The following ACOT11 variants were observed in gnomAD, a reference collection of about 807,000 sequenced individuals.
The protein encoded by ACOT11 is acyl-coenzyme A thioesterase 11.
In ACOT11, 69 loss-of-function variants were observed where a neutral mutation model predicts 77.5. The observed-to-expected ratio is 0.89, with a 90% confidence interval of 0.73 to 1.09. ACOT11 has a LOEUF of 1.09. ACOT11 is among the 50% of genes least tolerant of loss of function. The pLI is 0.00. For synonymous variants in ACOT11, 279 were observed against 313.0 expected (o/e 0.89, Z 1.15); for missense variants, 766 against 813.7 (o/e 0.94, Z 0.71).
At chr1:54,632,703 A>G (rs1644307495) in intron 16 of ACOT11, among the ~76,000 whole-genome samples, 2 of 152,232 alleles carry the variant, frequency 1.3e-5, no homozygotes, top group South Asian at 2.1e-4. Context: ...TGAAATAACT[A>G]TTCAAGAAAA....
intron 1 of ACOT11, among the ~76,000 whole-genome samples, chr1:54,559,484 C>G (rs780598580): frequency 6.6e-6 from 1 of 152,240 alleles, no homozygotes; most frequent in Non-Finnish European, 1.5e-5. Flanking sequence ...CATCAGTTTC[C>G]TAATATGAAC....
chr1:54,590,100 A>C (rs901495992), intron 3 of ACOT11, among the ~76,000 whole-genome samples: 4 of 151,604 alleles, frequency 2.6e-5, no homozygotes, highest in Admixed American at 1.3e-4. Flanking sequence ...AAAAAAAAAA[A>C]CAAAAAAACC....
rs752807018 is a variant in ACOT11, at chr1:54,604,386, T to C, written c.1193T>C (p.Leu398Pro). The C allele has an allele frequency of 6.2e-7, 1 of 1,614,062 alleles. No homozygotes were observed. Among genetic ancestry groups the C allele is most frequent in the East Asian group, 2.2e-5 (1 of 44,854 alleles). ...AATAACGTCTCCTCCTTGAAGATGC[T>C]TGTGGCCAAGGACAACTGGGTGCTG... ...SYNNVSSLKM[L>P]VAKDNWVLSS... Residue 398 changes from leucine (L) to proline (P), a missense_variant, in exon 12 of 16, where the codon CTT (leucine) becomes CCT (proline). Physicochemically the swap from Leu to Pro is moderately conservative, Grantham distance 98. Transcript: ENST00000343744.
chr1:54,571,275 T>C (rs1361526832), intron 1 of ACOT11, among the ~76,000 whole-genome samples: 1 of 152,182 alleles, frequency 6.6e-6, no homozygotes, highest in Non-Finnish European at 1.5e-5. Flanking sequence ...CCTGTTTCTT[T>C]CTTCTCTCTT....
At chr1:54,616,577 G>C (rs1375963576) in intron 15 of ACOT11, among the ~76,000 whole-genome samples, 2 of 151,828 alleles carry the variant, frequency 1.3e-5, no homozygotes, top group African/African-American at 4.8e-5. Context: ...TCACCATATT[G>C]GCCAGGCTGC....
chr1:54,556,043 T>C (rs1557644742), intron 1 of ACOT11, among the ~76,000 whole-genome samples: 1 of 152,208 alleles, frequency 6.6e-6, no homozygotes, highest in South Asian at 2.1e-4. Flanking sequence ...CCACTGCACC[T>C]GGCCTGATTT....
intron 1 of ACOT11, among the ~76,000 whole-genome samples, chr1:54,549,101 C>G (rs1652975066): frequency 6.6e-6 from 1 of 152,044 alleles, no homozygotes; most frequent in Admixed American, 6.5e-5. Flanking sequence ...TCTATCCTCT[C>G]CCTCCATCTG....
intron 7 of ACOT11, among the ~76,000 whole-genome samples, chr1:54,599,095 G>A (rs1156299051): frequency 1.6e-5 from 2 of 128,012 alleles, no homozygotes; most frequent in Non-Finnish European, 3.1e-5. Flanking sequence ...ACAGTGAGCC[G>A]AGATCCTGCC....
At chr1:54,604,282 G>T (rs1274446121) in intron 11 of ACOT11, 64 bp from the exon 12 acceptor site, 3 of 1,505,788 alleles carry the variant, frequency 2.0e-6, no homozygotes, top group Non-Finnish European at 2.8e-6. Flanking sequence ...CACACCCTTG[G>T]CCTTGGCTCA....
intron 1 of ACOT11, among the ~76,000 whole-genome samples, chr1:54,554,329 G>A (rs866301098): frequency 0.061 from 4,646 of 75,594 alleles, 192 homozygotes; most frequent in South Asian, 0.12. Context: ...GTGTGTGTGT[G>A]TGTGTATATA....
At position 54,584,358 on chromosome 1, in the gene ACOT11, C is replaced by A. The variant is rs1654422156; in HGVS notation, c.34-297C>A. ...TAAACAGTTGGCCCAGGAGCTGAAG[C>A]AAGGAGGACTGACTTCTCTGCATGG... On this transcript the variant is annotated intron_variant, in intron 1 of 15. Transcript: ENST00000343744. This position sits in a 1 kb window ranked among gnomAD's most constrained non-coding sequence, Gnocchi z 6.3. Among the ~76,000 whole-genome samples, 1 of 152,182 alleles carries A rather than the reference C, an allele frequency of 6.6e-6. No homozygotes were observed. Among genetic ancestry groups the A allele is most frequent in the Non-Finnish European group, 1.5e-5 (1 of 68,038 alleles).
chr1:54,592,236 G>A (rs1447324784), intron 3 of ACOT11, among the ~76,000 whole-genome samples: 4 of 152,120 alleles, frequency 2.6e-5, no homozygotes, highest in Non-Finnish European at 4.4e-5. Context: ...CCTGAGGAGG[G>A]GACCATTGAG....
At chr1:54,631,193 C>T (rs1486504180) in intron 16 of ACOT11, among the ~76,000 whole-genome samples, 7 of 152,108 alleles carry the variant, frequency 4.6e-5, no homozygotes, top group Non-Finnish European at 1.0e-4. Context: ...CGAGCAGCGC[C>T]TTGAGCGACG....
At chr1:54,602,012 C>A (rs1643970521) in intron 9 of ACOT11, among the ~76,000 whole-genome samples, 1 of 152,252 alleles carries the variant, frequency 6.6e-6, no homozygotes, top group African/African-American at 2.4e-5. Flanking sequence ...GGTCCCCTGG[C>A]CTTCCTGCTG....
Position 54,620,253 on chromosome 1 carries a change from C to T in ACOT11, c.1630-10481C>T, listed in dbSNP as rs374993873. 7.2e-5 allele frequency among the ~76,000 whole-genome samples: 11 copies of T among 152,322 alleles called. No individual in the cohort carries two copies. The East Asian group carries it at 1.7e-3, about 24-fold the overall frequency. ...GGGCAGGTTCACAGAGAAGGGAACA[C>T]TTAAGGAAGACCTTGAAGGATGGGT... is the stretch of plus-strand genomic sequence containing the variant. On this transcript the variant is annotated intron_variant, in intron 15 of 16. Coordinates refer to the ACOT11 transcript ENST00000371316.
chr1:54,584,487 G>A lies in ACOT11; in HGVS notation c.34-168G>A, dbSNP rs534493198. 2.6e-5 allele frequency among the ~76,000 whole-genome samples: 4 copies of A among 152,270 alleles called. No homozygotes were observed. The highest frequency in any genetic ancestry group is 4.4e-5 in the Non-Finnish European group (3 of 68,014). On this transcript the variant is annotated intron_variant, in intron 1 of 15. Coordinates refer to ENST00000343744, the MANE Select transcript of ACOT11 (RefSeq NM_147161.4). The surrounding 1 kb of genome is among the most constrained non-coding windows in gnomAD (Gnocchi z 6.3). ...AGCAATCACAGATATCCTGGGGTCCGAGACCACGGGCTGGAGGGTGGTGAC... is the reference window on the plus strand; with the variant it reads ...AGCAATCACAGATATCCTGGGGTCCAAGACCACGGGCTGGAGGGTGGTGAC...
At chr1:54,554,317 GTGTGTGTGTGTGTGTGTA>G (rs1185368295) in intron 1 of ACOT11, among the ~76,000 whole-genome samples, 2 of 81,442 alleles carry the variant, frequency 2.5e-5, no homozygotes, top group Non-Finnish European at 5.0e-5. Context: ...GTGTGTGTGT[GTGTGTGTGTGTGTGTGTA>G]TATATATATA....
At chr1:54,632,799 G>T (rs549691757) in intron 16 of ACOT11, among the ~76,000 whole-genome samples, 3 of 152,126 alleles carry the variant, frequency 2.0e-5, no homozygotes, top group Non-Finnish European at 4.4e-5. Context: ...AATTCAACCC[G>T]CTCAATTTAA....
In ACOT11 at chr1:54,605,210, G is replaced by A. The variant is rs767533365; in HGVS notation, c.1370+1G>A. 1 of 1,612,696 alleles carries A rather than the reference G, an allele frequency of 6.2e-7. No individual in the cohort carries two copies. Among genetic ancestry groups the A allele is most frequent in the South Asian group, 1.1e-5 (1 of 91,060 alleles). On this transcript the variant is annotated splice_donor_variant, in intron 13 of 15. Coordinates refer to ENST00000343744, the MANE Select transcript of ACOT11 (RefSeq NM_147161.4). LOFTEE classifies it high-confidence loss of function. ...GGCCAGAGTGGGACAAGCACTACCG[G>A]TGAGGGGCCAGGGTGAGGGCAGGGC...
Sources: gnomAD v4.1 joint callset for allele counts (sites outside exome capture counted in the v4.1 genomes callset) on GRCh38, gnomAD v4.1.1 for gene constraint, Gnocchi (gnomAD v3.1) non-coding constraint, MANE v1.5 for transcripts, NCBI Gene and HGNC (gene_info 2026-07-23, HGNC 2026-07-21) for gene names.